The following HMGN5 variants were observed in gnomAD, a reference collection of about 807,000 sequenced individuals.
The protein encoded by HMGN5 is high mobility group nucleosome binding domain 5.
HMGN5 carries 4 observed loss-of-function variants against 9.5 expected under a neutral mutation model. The observed-to-expected ratio is 0.42, with a 90% CI of 0.21 to 0.96. The LOEUF (loss-of-function observed/expected upper bound fraction) is 0.96. Among genes scored for constraint, HMGN5 ranks in the 40% least tolerant of loss-of-function variants. HMGN5 has a pLI of 0.30. For missense variants in HMGN5, 192 were observed against 187.5 expected, an observed-to-expected ratio of 1.02 and a Z score of -0.14; for synonymous variants, 55 against 57.1, an observed-to-expected ratio of 0.96 and a Z score of 0.16.
intron 6 of HMGN5, among the ~76,000 whole-genome samples, 180 bp downstream of exon 6, chrX:81,116,024 T>G (rs1031197977): frequency 1.8e-5 from 2 of 111,818 alleles, no homozygotes; most frequent in African/African-American, 6.5e-5. Flanking sequence ...GCACTACTGG[T>G]CCCTCTAAAT....
At chrX:81,132,244 T>C (rs1016727277) in intron 1 of HMGN5, among the ~76,000 whole-genome samples, 1 of 111,356 alleles carries the variant, frequency 9.0e-6, no homozygotes, top group Non-Finnish European at 1.9e-5. Flanking sequence ...CACCCCATGA[T>C]CATGGAAAGG....
chrX:81,118,455 G>T lies in HMGN5; in HGVS notation c.106C>A (p.Pro36Thr). Residue 36 changes from proline to threonine, a missense_variant, in exon 5 of 7, where the codon CCT becomes ACT. Coordinates refer to ENST00000358130, the MANE Select transcript of HMGN5 (RefSeq NM_030763.3). ...MLVPVTPEVK[P>T]KRTSSSRKMK... Reference sequence around the variant, plus strand: ...ACCCTTGAACTTGATGTTCTTTTAGGCTTCACCTCTGGTGTAACTGGCACA... The same window carrying T: ...ACCCTTGAACTTGATGTTCTTTTAGTCTTCACCTCTGGTGTAACTGGCACA... 1 of 1,174,059 alleles carries T rather than the reference G, an allele frequency of 8.5e-7. No individual in the cohort carries two copies. Among genetic ancestry groups the T allele is most frequent in the African/African-American group, 1.8e-5 (1 of 56,460 alleles).
intron 1 of HMGN5, among the ~76,000 whole-genome samples, chrX:81,129,430 T>G (rs1445216192): frequency 8.9e-6 from 1 of 111,877 alleles, no homozygotes; most frequent in African/African-American, 3.2e-5. Context: ...GTATTTCCTG[T>G]CTGTGAATTT....
intron 1 of HMGN5, among the ~76,000 whole-genome samples, chrX:81,153,437 C>A (rs2075370965): frequency 1.0e-5 from 1 of 99,903 alleles, no homozygotes; most frequent in African/African-American, 3.7e-5. Context: ...GCCTGTAATC[C>A]CAGCTACTCA....
chrX:81,120,810 G>T (rs1479093803), intron 2 of HMGN5, among the ~76,000 whole-genome samples: 1 of 111,244 alleles, frequency 9.0e-6, no homozygotes, highest in Non-Finnish European at 1.9e-5. Flanking sequence ...GAAAGGCTCA[G>T]ATCAATTCTG....
intron 1 of HMGN5, among the ~76,000 whole-genome samples, chrX:81,142,896 A>T (rs769552099): frequency 7.4e-4 from 83 of 112,145 alleles, no homozygotes; most frequent in Middle Eastern, 4.6e-3. Flanking sequence ...ATGAATCAAT[A>T]AAAAATAATG....
At chrX:81,185,333 TTTGA>T (rs1212416290) in intron 1 of HMGN5, among the ~76,000 whole-genome samples, 1 of 111,837 alleles carries the variant, frequency 8.9e-6, no homozygotes, top group Non-Finnish European at 1.9e-5. Flanking sequence ...CATTCACTTC[TTTGA>T]TTAAGTTAAT....
intron 1 of HMGN5, among the ~76,000 whole-genome samples, chrX:81,165,191 G>A (rs930878987): frequency 2.6e-4 from 29 of 110,715 alleles, no homozygotes; most frequent in African/African-American, 8.9e-4. Context: ...CATTCCCATG[G>A]ATTCAATTAC....
intron 1 of HMGN5, among the ~76,000 whole-genome samples, chrX:81,160,839 G>T (rs1022758163): frequency 9.0e-6 from 1 of 111,314 alleles, no homozygotes; most frequent in Non-Finnish European, 1.9e-5. Flanking sequence ...GACTTTTTGA[G>T]TGGACATCTT....
chrX:81,192,080 T>A (rs780340593), intron 1 of HMGN5, among the ~76,000 whole-genome samples: 1 of 111,501 alleles, frequency 9.0e-6, no homozygotes, highest in East Asian at 2.8e-4. Flanking sequence ...GTGATTAGAG[T>A]CAATTCCTGG....
chrX:81,164,899 C>T (rs1436568901), intron 1 of HMGN5, among the ~76,000 whole-genome samples: 1 of 111,254 alleles, frequency 9.0e-6, no homozygotes, highest in African/African-American at 3.3e-5. Flanking sequence ...ACTCACTAGA[C>T]TATAACCTCT....
At chrX:81,140,988 C>T (rs944315354) in intron 1 of HMGN5, among the ~76,000 whole-genome samples, 1 of 111,087 alleles carries the variant, frequency 9.0e-6, no homozygotes, top group African/African-American at 3.3e-5. Flanking sequence ...ACTGAAGAGC[C>T]CGTGGGCCTT....
In HMGN5 at chrX:81,136,957, T is replaced by C. The variant is rs113491168; in HGVS notation, c.-123-15285A>G. Among the ~76,000 whole-genome samples the C allele has an allele frequency of 5.6e-3, 622 of 111,597 alleles. 6 individuals are homozygous for C. Among genetic ancestry groups the C allele is most frequent in the African/African-American group, 0.019 (579 of 30,765 alleles). ...TAAATTACTAGAGATAGAGGGACTT[T>C]AAATAATGATAAAAGGATCAATTCA... is the stretch of plus-strand genomic sequence containing the variant. On this transcript the variant is annotated intron_variant, in intron 1 of 6. Transcript: ENST00000358130.
intron 1 of HMGN5, among the ~76,000 whole-genome samples, chrX:81,149,938 A>G (rs2075356153): frequency 8.9e-6 from 1 of 112,044 alleles, no homozygotes; most frequent in Non-Finnish European, 1.9e-5. Flanking sequence ...AGCAACAGAT[A>G]GGTCCCCATA....
intron 1 of HMGN5, among the ~76,000 whole-genome samples, chrX:81,176,849 A>C (rs1181150864): frequency 8.9e-6 from 1 of 111,752 alleles, no homozygotes; most frequent in Non-Finnish European, 1.9e-5. Flanking sequence ...CCAAGTTGGA[A>C]AACACTCTGC....
At chrX:81,174,905 A>G (rs955139350) in intron 1 of HMGN5, among the ~76,000 whole-genome samples, 3 of 111,247 alleles carry the variant, frequency 2.7e-5, no homozygotes, top group Non-Finnish European at 5.7e-5. Context: ...TTATAAATAG[A>G]CTCTGCATTC....
At chrX:81,160,831 C>A (rs1251685331) in intron 1 of HMGN5, among the ~76,000 whole-genome samples, 1 of 111,153 alleles carries the variant, frequency 9.0e-6, no homozygotes, top group Non-Finnish European at 1.9e-5. Flanking sequence ...TGTGTGCAGA[C>A]TTTTTGAGTG....
At chrX:81,133,566 A>G (rs1424550742) in intron 1 of HMGN5, among the ~76,000 whole-genome samples, 2 of 111,572 alleles carry the variant, frequency 1.8e-5, no homozygotes, top group Admixed American at 9.6e-5. Context: ...AGGGACATGT[A>G]TGGAGCTGGA....
chrX:81,178,886 G>C (rs951922382), intron 1 of HMGN5, among the ~76,000 whole-genome samples: 2 of 111,618 alleles, frequency 1.8e-5, no homozygotes, highest in African/African-American at 6.5e-5. Context: ...GGGATGCAAG[G>C]CTGGTTCAAA....
Sources: allele counts gnomAD v4.1 joint callset (sites outside exome capture counted in the v4.1 genomes callset), GRCh38; gene constraint gnomAD v4.1.1; transcripts MANE v1.5; gene names NCBI Gene and HGNC (gene_info 2026-07-23, HGNC 2026-07-21).